Variants in NARS2 observed in about 807,000 individuals in gnomAD.
The protein encoded by NARS2 is asparaginyl-tRNA synthetase 2, mitochondrial, also known as asparaginyl-tRNA synthetase.
In NARS2, 60 loss-of-function variants were observed where a neutral mutation model predicts 62.9. That is an observed-to-expected ratio of 0.95 (90% CI 0.77 to 1.18). The LOEUF is 1.18. NARS2 is among the 50% of genes most tolerant of loss of function. The probability of loss-of-function intolerance (pLI) is 0.00; values close to 1 mark genes in which losing one functional copy is unlikely to be tolerated. For missense variants in NARS2, 619 were observed against 576.4 expected (o/e 1.07, Z -0.76); for synonymous variants, 196 against 200.0 (o/e 0.98, Z 0.17).
chr11:78,534,694 C>T (rs894457576), intron 5 of NARS2, among the ~76,000 whole-genome samples: 5 of 152,134 alleles, frequency 3.3e-5, no homozygotes, highest in Admixed American at 6.5e-5. Flanking sequence ...CTAAGGGACA[C>T]GGTCTCTCTT....
chr11:78,524,975 C>G (rs760368642), intron 6 of NARS2, among the ~76,000 whole-genome samples: 1 of 152,106 alleles, frequency 6.6e-6, no homozygotes, highest in Non-Finnish European at 1.5e-5. Flanking sequence ...AACAAATGAG[C>G]TATCCAGCCA....
At chr11:78,554,119 A>G (rs1214337767) in intron 5 of NARS2, among the ~76,000 whole-genome samples, 1 of 152,142 alleles carries the variant, frequency 6.6e-6, no homozygotes, top group Non-Finnish European at 1.5e-5. Context: ...TTGTACCAGT[A>G]CCACACTGTT....
rs201180535 is a variant in NARS2 at position 78,566,110 on chromosome 11, G to C, written c.513+22C>G. On this transcript the variant is annotated intron_variant, in intron 4 of 13. Transcript: ENST00000281038. ...TTATTAAAACTGTTTAAAGGGTCAA[G>C]AGGGAACTTTTAGGATCTTACCTTA... is the stretch of plus-strand genomic sequence containing the variant. 5.0e-5 allele frequency: 79 copies of C among 1,589,198 alleles called. No individual in the cohort carries two copies. The Middle Eastern group carries it at 1.0e-3, about 20-fold the overall frequency.
At chr11:78,519,113 G>A (rs896040990) in intron 6 of NARS2, among the ~76,000 whole-genome samples, 1 of 152,160 alleles carries the variant, frequency 6.6e-6, no homozygotes, top group African/African-American at 2.4e-5. Flanking sequence ...AAGCAGATGG[G>A]AAGTCAGTTT....
intron 7 of NARS2, among the ~76,000 whole-genome samples, chr11:78,483,683 G>A (rs1202722877): frequency 6.6e-6 from 1 of 152,054 alleles, no homozygotes; most frequent in African/African-American, 2.4e-5. Flanking sequence ...AACCTACAAG[G>A]GATGTGAAGG....
intron 5 of NARS2, among the ~76,000 whole-genome samples, chr11:78,556,942 C>T (rs1369795520): frequency 6.6e-6 from 1 of 152,148 alleles, no homozygotes; most frequent in Non-Finnish European, 1.5e-5. Flanking sequence ...GCCAACTTAC[C>T]GGCTTGACAG....
At chr11:78,461,628 A>AG (rs1478929650) in intron 11 of NARS2, among the ~76,000 whole-genome samples, 1 of 149,488 alleles carries the variant, frequency 6.7e-6, no homozygotes, top group Admixed American at 6.6e-5. Flanking sequence ...AAAAAAAAAA[A>AG]AAATTCAATA....
chr11:78,476,778 A>G (rs1186504194), intron 9 of NARS2, among the ~76,000 whole-genome samples: 1 of 152,260 alleles, frequency 6.6e-6, no homozygotes, highest in Non-Finnish European at 1.5e-5. Context: ...TTTATGGACA[A>G]GGACTCCAAA....
chr11:78,569,533 G>A (rs7927494), intron 2 of NARS2, among the ~76,000 whole-genome samples: 111,847 of 152,102 alleles, frequency 0.74, 41,486 homozygotes, highest in Non-Finnish European at 0.79. Flanking sequence ...TTGAAATATT[G>A]TAATATAGCA....
chr11:78,478,486 A>C lies in NARS2; in HGVS notation c.922-11T>G. ...ATGTTCTAATCTGTCCTTAATAAAAAGACAAAAAAGAAAATTTTAAAAATA... is the reference window on the plus strand; with the variant it reads ...ATGTTCTAATCTGTCCTTAATAAAACGACAAAAAAGAAAATTTTAAAAATA... On this transcript the variant is annotated splice_polypyrimidine_tract_variant and intron_variant, in intron 8 of 13. Coordinates refer to ENST00000281038, the MANE Select transcript of NARS2 (RefSeq NM_024678.6). The C allele has an allele frequency of 4.2e-6, 5 of 1,182,480 alleles. No homozygotes were observed. 73.2% of individuals were successfully genotyped at this position (1,182,480 alleles called of 1,614,324 possible).
chr11:78,567,391 C>G (rs1856780768), intron 3 of NARS2, among the ~76,000 whole-genome samples: 4 of 152,096 alleles, frequency 2.6e-5, no homozygotes, highest in Admixed American at 2.6e-4. Flanking sequence ...ATGAGAATGG[C>G]ATGCAATTTA....
chr11:78,518,339 A>T (rs1336473552), intron 6 of NARS2, among the ~76,000 whole-genome samples: 1 of 152,118 alleles, frequency 6.6e-6, no homozygotes, highest in African/African-American at 2.4e-5. Context: ...AACTGTATAA[A>T]CCAGTAGAGG....
At chr11:78,511,972 TGTA>T (rs1240953428) in intron 6 of NARS2, among the ~76,000 whole-genome samples, 1 of 152,184 alleles carries the variant, frequency 6.6e-6, no homozygotes, top group Non-Finnish European at 1.5e-5. Context: ...TTCCAACTAT[TGTA>T]TAAAAGCAGA....
intron 1 of NARS2, 45 bp downstream of exon 1, chr11:78,574,302 TA>T (rs1339544430): frequency 1.2e-6 from 2 of 1,612,644 alleles, no homozygotes; most frequent in Non-Finnish European, 1.7e-6. Flanking sequence ...ATGTGCCATA[TA>T]AAAGTCCCTA....
intron 2 of NARS2, among the ~76,000 whole-genome samples, chr11:78,569,891 T>G (rs909062850): frequency 6.6e-6 from 1 of 152,100 alleles, no homozygotes; most frequent in Admixed American, 6.6e-5. Context: ...GTTTAAAAGG[T>G]TACCATTAAT....
At chr11:78,515,450 A>G (rs1860870692) in intron 6 of NARS2, among the ~76,000 whole-genome samples, 2 of 152,198 alleles carry the variant, frequency 1.3e-5, no homozygotes, top group South Asian at 2.1e-4. Context: ...AGTGATAAAA[A>G]TGTTACAAAA....
rs1861368461 is a variant in NARS2 at position 78,528,380 on chromosome 11, T to G, written c.689+462A>C. Among the ~76,000 whole-genome samples, 3 of 152,202 alleles carry G rather than the reference T, an allele frequency of 2.0e-5. No individual in the cohort carries two copies. The South Asian group carries it at 6.2e-4, about 32-fold the overall frequency. The stretch of plus-strand genomic sequence containing the variant: ...TCCAGAGGTCTGACAGTTGCTAAAA[T>G]TCATTTGATCTGACTTAAAAGATGT... On this transcript the variant is annotated intron_variant, in intron 6 of 13. Coordinates refer to ENST00000281038, the MANE Select transcript of NARS2 (RefSeq NM_024678.6).
At chr11:78,517,628 G>A (rs1187037863) in intron 6 of NARS2, among the ~76,000 whole-genome samples, 1 of 152,014 alleles carries the variant, frequency 6.6e-6, no homozygotes, top group African/African-American at 2.4e-5. Flanking sequence ...AACCTTCTAA[G>A]TCTATTTACT....
chr11:78,503,450 CT>C (rs1363047647), intron 6 of NARS2, among the ~76,000 whole-genome samples: 1 of 152,088 alleles, frequency 6.6e-6, no homozygotes, highest in Non-Finnish European at 1.5e-5. Context: ...GTTGGCCAGG[CT>C]GGTATTGAAC....
Sources: allele counts gnomAD v4.1 joint callset (sites outside exome capture counted in the v4.1 genomes callset), GRCh38; gene constraint gnomAD v4.1.1; transcripts MANE v1.5; gene names NCBI Gene and HGNC (gene_info 2026-07-23, HGNC 2026-07-21).